Variants in FBLN2 observed in about 807,000 individuals in gnomAD.
FBLN2 encodes fibulin-2.
Under a neutral mutation model 123.7 loss-of-function variants are expected in FBLN2, and 81 were observed. The ratio of observed to expected loss-of-function variants is 0.65; its 90% confidence interval spans 0.55 to 0.79. The LOEUF is 0.79. Among genes scored for constraint, FBLN2 ranks in the 30% least tolerant of loss-of-function variants. FBLN2 has a pLI of 0.00. For synonymous variants in FBLN2, 699 were observed against 701.4 expected (o/e 1.00, Z 0.05); for missense variants, 1,603 against 1,681.3 (o/e 0.95, Z 0.81).
Position 13,570,262 on chromosome 3 carries a change from G to A in FBLN2, c.-41-53G>A, listed in dbSNP as rs369783501. The stretch of plus-strand genomic sequence containing the variant: ...GCCCGCGTGCGTGCCGGTGTGCACC[G>A]TGTCTGTGTGTGCACACCCAGTACT... On this transcript the variant is annotated intron_variant, in intron 1 of 17. Coordinates refer to ENST00000404922, the MANE Select transcript of FBLN2 (RefSeq NM_001004019.2). 3.6e-4 allele frequency: 514 copies of A among 1,435,950 alleles called. No homozygotes were observed. The African/African-American group carries it at 4.7e-3, about 13-fold the overall frequency. The allele number at this position is 1,435,950 out of a possible 1,614,324, so 89.0% of individuals were successfully genotyped here.
intron 4 of FBLN2, among the ~76,000 whole-genome samples, chr3:13,610,481 T>C (rs1189425680): frequency 6.6e-6 from 1 of 151,946 alleles, no homozygotes; most frequent in Non-Finnish European, 1.5e-5. Flanking sequence ...GGCGAGGACG[T>C]TGGGAAATGG....
intron 2 of FBLN2, among the ~76,000 whole-genome samples, chr3:13,584,694 C>G (rs1704442153): frequency 6.6e-6 from 1 of 152,166 alleles, no homozygotes; most frequent in African/African-American, 2.4e-5. Context: ...GAAGGTGGGT[C>G]TAGGGCAGAT....
intron 2 of FBLN2, among the ~76,000 whole-genome samples, chr3:13,580,208 G>A (rs967587020): frequency 1.3e-5 from 2 of 152,128 alleles, no homozygotes; most frequent in Non-Finnish European, 2.9e-5. Flanking sequence ...GTGCATTTCA[G>A]TTGAGAGGTG....
At chr3:13,621,255 C>T (rs533043246) in intron 8 of FBLN2, among the ~76,000 whole-genome samples, 23 of 152,254 alleles carry the variant, frequency 1.5e-4, no homozygotes, top group Non-Finnish European at 2.5e-4. Flanking sequence ...GAGTTCCAAA[C>T]GTGTTGAGCA....
At chr3:13,630,220 G>A (rs955288394) in intron 14 of FBLN2, among the ~76,000 whole-genome samples, 4 of 152,196 alleles carry the variant, frequency 2.6e-5, no homozygotes, top group African/African-American at 9.7e-5. Flanking sequence ...TGTGTCATCT[G>A]TACCCACAAA....
At chr3:13,595,128 G>A (rs1421403902) in intron 2 of FBLN2, among the ~76,000 whole-genome samples, 2 of 152,192 alleles carry the variant, frequency 1.3e-5, no homozygotes, top group Non-Finnish European at 2.9e-5. Flanking sequence ...GATACCGTGG[G>A]TGCAGGGTGG....
intron 1 of FBLN2, 38 bp downstream of exon 1, chr3:13,549,246 C>T (rs1313222484): frequency 2.0e-6 from 2 of 979,794 alleles, no homozygotes; most frequent in African/African-American, 1.8e-5. Flanking sequence ...GACTCATCCC[C>T]GTCGGTCCGC....
chr3:13,609,692 G>GGGGGGGGGGGGGGGC, intron 4 of FBLN2, 50 bp downstream of exon 4: 3 of 508,386 alleles, frequency 5.9e-6, no homozygotes, highest in Middle Eastern at 6.4e-4. Flanking sequence ...GGCGGGGCGG[G>GGGGGGGGGGGGGGGC]AGGCTGGCCT....
At chr3:13,615,780 T>C (rs2124889316) in intron 5 of FBLN2, among the ~76,000 whole-genome samples, 1 of 152,334 alleles carries the variant, frequency 6.6e-6, no homozygotes, top group Non-Finnish European at 1.5e-5. Flanking sequence ...GCCGGGTCTT[T>C]GGCACAGCCA....
chr3:13,557,317 G>T (rs1281736549), intron 1 of FBLN2, among the ~76,000 whole-genome samples: 4 of 152,236 alleles, frequency 2.6e-5, no homozygotes, highest in African/African-American at 7.2e-5. Context: ...ACATTTTGGG[G>T]TTAAGTCAGC....
chr3:13,635,135 C>G (rs572989757), intron 16 of FBLN2, among the ~76,000 whole-genome samples: 1 of 152,210 alleles, frequency 6.6e-6, no homozygotes, highest in Non-Finnish European at 1.5e-5. Context: ...CAGTGACCCT[C>G]GCTGCACAGG....
chr3:13,619,376 C>T (rs1705763410), intron 7 of FBLN2, among the ~76,000 whole-genome samples: 1 of 142,870 alleles, frequency 7.0e-6, no homozygotes, highest in Non-Finnish European at 1.5e-5. Flanking sequence ...TGTTCTTCTC[C>T]TCATTCCCTT....
At chr3:13,619,866 A>C in intron 8 of FBLN2, 35 bp downstream of exon 8, 1 of 1,561,240 alleles carries the variant, frequency 6.4e-7, no homozygotes, top group Non-Finnish European at 8.7e-7. Context: ...ACCTGTGCAA[A>C]CCTGAGTTGG....
At chr3:13,588,361 G>A (rs1175210604) in intron 2 of FBLN2, among the ~76,000 whole-genome samples, 3 of 152,206 alleles carry the variant, frequency 2.0e-5, no homozygotes, top group African/African-American at 7.2e-5. Context: ...ACCTAACCAC[G>A]CATTTCTCAG....
chr3:13,589,217 G>A (rs573641767), intron 2 of FBLN2, among the ~76,000 whole-genome samples: 2 of 152,232 alleles, frequency 1.3e-5, no homozygotes, highest in East Asian at 1.9e-4. Flanking sequence ...CCTAGACATC[G>A]CAACAAAAAT....
At chr3:13,590,580 C>T (rs1704639582) in intron 2 of FBLN2, among the ~76,000 whole-genome samples, 1 of 152,162 alleles carries the variant, frequency 6.6e-6, no homozygotes, top group South Asian at 2.1e-4. Context: ...CCTGCCTCAG[C>T]CTCCCAAAAT....
At chr3:13,551,999 C>A (rs1467724999) in intron 1 of FBLN2, among the ~76,000 whole-genome samples, 1 of 152,074 alleles carries the variant, frequency 6.6e-6, no homozygotes, top group Non-Finnish European at 1.5e-5. Context: ...CGCACACCAG[C>A]CAGCTAATTT....
chr3:13,636,673 G>A lies in FBLN2; in HGVS notation c.3338+105G>A, dbSNP rs2290188. ...CGCCTGCCTTGATCACCTCCCTCTC[G>A]TCCCAGCCCCTGACTGCTGGGTCTG... On this transcript the variant is annotated intron_variant, in intron 17 of 17. Transcript: ENST00000404922. 1,228 of 1,372,352 alleles carry A rather than the reference G, an allele frequency of 8.9e-4. 7 individuals carry two copies. Among genetic ancestry groups the A allele is most frequent in the South Asian group, 3.6e-3 (253 of 69,782 alleles). The allele number at this position is 1,372,352 out of a possible 1,614,324, so 85.0% of individuals were successfully genotyped here. A position where few individuals can be genotyped will look rare whatever the true frequency, so the allele number is the denominator to read the frequency against.
At chr3:13,549,538 G>A (rs1703267118) in intron 1 of FBLN2, among the ~76,000 whole-genome samples, 1 of 150,844 alleles carries the variant, frequency 6.6e-6, no homozygotes, top group Non-Finnish European at 1.5e-5. Context: ...CCCCTGGGCC[G>A]GCTCCCACCA....
Sources: gnomAD v4.1 joint callset for allele counts (sites outside exome capture counted in the v4.1 genomes callset) on GRCh38, gnomAD v4.1.1 for gene constraint, MANE v1.5 for transcripts, NCBI Gene and HGNC (gene_info 2026-07-23, HGNC 2026-07-21) for gene names.